Variants in NAALADL2 observed in about 807,000 individuals in gnomAD.
NAALADL2 encodes the protein inactive N-acetylated-alpha-linked acidic dipeptidase-like protein 2.
A neutral mutation model predicts 87.2 loss-of-function variants in NAALADL2; 76 were observed. That is an observed-to-expected ratio of 0.87 (90% CI 0.72 to 1.05). The LOEUF is 1.05. NAALADL2 is among the 50% of genes least tolerant of loss of function. NAALADL2 has a pLI of 0.00. For missense variants in NAALADL2, 1,089 were observed against 945.8 expected, an observed-to-expected ratio of 1.15 and a Z score of -1.99; for synonymous variants, 354 against 331.0, an observed-to-expected ratio of 1.07 and a Z score of -0.75.
At chr3:174,714,451 T>C (rs1391800305) in intron 2 of NAALADL2, among the ~76,000 whole-genome samples, 1 of 152,178 alleles carries the variant, frequency 6.6e-6, no homozygotes, top group Non-Finnish European at 1.5e-5. Context: ...TGTTCTTCCA[T>C]TTGTTTGTAT....
At chr3:174,462,595 A>G (rs1222890919) in intron 1 of NAALADL2, among the ~76,000 whole-genome samples, 1 of 152,166 alleles carries the variant, frequency 6.6e-6, no homozygotes, top group Non-Finnish European at 1.5e-5. Context: ...CCGGATTCAA[A>G]ATTGCCAAGA....
At chr3:175,615,880 A>G (rs1197838062) in intron 10 of NAALADL2, among the ~76,000 whole-genome samples, 1 of 147,830 alleles carries the variant, frequency 6.8e-6, no homozygotes, top group East Asian at 1.9e-4. Flanking sequence ...ATATATGTAT[A>G]ATATATATGT....
chr3:175,540,476 G>A (rs571624871), intron 9 of NAALADL2, among the ~76,000 whole-genome samples: 33 of 152,128 alleles, frequency 2.2e-4, no homozygotes, highest in Non-Finnish European at 4.4e-4. Flanking sequence ...AGAGCCTTTG[G>A]ATTTTATTCC....
chr3:175,294,295 C>A (rs1176733403), intron 4 of NAALADL2, among the ~76,000 whole-genome samples: 1 of 152,100 alleles, frequency 6.6e-6, no homozygotes, highest in Non-Finnish European at 1.5e-5. Context: ...TATTTGCTCT[C>A]AAGCTTGCCT....
intron 2 of NAALADL2, among the ~76,000 whole-genome samples, chr3:175,231,082 T>C (rs1744869639): frequency 6.6e-6 from 1 of 151,926 alleles, no homozygotes; most frequent in Non-Finnish European, 1.5e-5. Flanking sequence ...AAAAGGCAAG[T>C]ATGAAAACCA....
At chr3:175,176,122 GC>G (rs1735662772) in intron 2 of NAALADL2, among the ~76,000 whole-genome samples, 1 of 152,018 alleles carries the variant, frequency 6.6e-6, no homozygotes, top group African/African-American at 2.4e-5. Flanking sequence ...TTTTATATTT[GC>G]ATGGGTAACA....
At chr3:175,352,882 C>T (rs1022555707) in intron 5 of NAALADL2, among the ~76,000 whole-genome samples, 10 of 151,798 alleles carry the variant, frequency 6.6e-5, no homozygotes, top group African/African-American at 2.2e-4. Flanking sequence ...TTTCGTCCAA[C>T]GTGAGCTCTC....
intron 2 of NAALADL2, among the ~76,000 whole-genome samples, chr3:174,613,127 T>G (rs1366148736): frequency 6.6e-6 from 1 of 152,212 alleles, no homozygotes; most frequent in East Asian, 1.9e-4. Flanking sequence ...TTCCATTAGT[T>G]TCTCCCCATC....
At chr3:174,805,526 C>A (rs1290351431) in intron 3 of NAALADL2, among the ~76,000 whole-genome samples, 2 of 152,054 alleles carry the variant, frequency 1.3e-5, no homozygotes, top group Non-Finnish European at 2.9e-5. Context: ...ACTTAAAAAT[C>A]TTTTCTTGTT....
In NAALADL2 at chr3:175,716,325, GAT is replaced by G. The variant is rs1010395807; in HGVS notation, c.1897-20974_1897-20973del. On this transcript the variant is annotated intron_variant, in intron 11 of 13. Transcript: ENST00000454872. The stretch of plus-strand genomic sequence containing the variant: ...AGATATATTACATATATAATATACA[GAT>G]ATATATGTGTATATAATATATATGT... Among the ~76,000 whole-genome samples the G allele has an allele frequency of 1.3e-4, 19 of 143,922 alleles. 1 individual carries two copies. The highest frequency in any genetic ancestry group is 4.1e-4 in the African/African-American group (16 of 39,288). 94.4% of individuals were successfully genotyped at this position (143,922 alleles called of 152,430 possible). A position where few individuals can be genotyped will look rare whatever the true frequency, so the allele number is the denominator to read the frequency against.
intron 9 of NAALADL2, among the ~76,000 whole-genome samples, chr3:175,502,365 G>T (rs536004248): frequency 1.3e-5 from 2 of 152,126 alleles, no homozygotes; most frequent in East Asian, 1.9e-4. Context: ...CAGTTGAAAG[G>T]CTGAAAAGAA....
At chr3:175,625,508 A>G (rs1006455068) in intron 10 of NAALADL2, among the ~76,000 whole-genome samples, 1 of 152,060 alleles carries the variant, frequency 6.6e-6, no homozygotes, top group Admixed American at 6.6e-5. Context: ...TGATGATATC[A>G]TTTAAACTGT....
intron 2 of NAALADL2, among the ~76,000 whole-genome samples, chr3:174,648,063 A>G (rs1723978379): frequency 6.6e-6 from 1 of 152,224 alleles, no homozygotes; most frequent in Non-Finnish European, 1.5e-5. Context: ...TGTTTCAGTT[A>G]CCTATGGTCA....
chr3:174,606,381 G>C (rs1371339750), intron 2 of NAALADL2, among the ~76,000 whole-genome samples: 1 of 152,130 alleles, frequency 6.6e-6, no homozygotes, highest in Admixed American at 6.6e-5. Flanking sequence ...TGAGCTACAG[G>C]AGCAAATTCA....
chr3:174,797,828 A>AT (rs1359377046), intron 3 of NAALADL2, among the ~76,000 whole-genome samples: 1 of 151,766 alleles, frequency 6.6e-6, no homozygotes, highest in African/African-American at 2.4e-5. Flanking sequence ...TTATGTTTTC[A>AT]TTTTTTTCAT....
chr3:174,477,588 A>T (rs960259232), intron 1 of NAALADL2, among the ~76,000 whole-genome samples: 1 of 152,068 alleles, frequency 6.6e-6, no homozygotes, highest in African/African-American at 2.4e-5. Flanking sequence ...GTTCTACAGA[A>T]CTCCCTTGTT....
intron 12 of NAALADL2, among the ~76,000 whole-genome samples, chr3:175,739,262 A>G (rs572417006): frequency 9.8e-4 from 149 of 152,308 alleles, no homozygotes; most frequent in Non-Finnish European, 1.8e-3. Flanking sequence ...TTCAAAATTC[A>G]TATATATGAT....
intron 9 of NAALADL2, among the ~76,000 whole-genome samples, chr3:175,548,004 AG>A (rs1713659485): frequency 6.6e-6 from 1 of 152,084 alleles, no homozygotes; most frequent in Non-Finnish European, 1.5e-5. Context: ...GATTCCTCAA[AG>A]ATCTAAAGAT....
intron 5 of NAALADL2, among the ~76,000 whole-genome samples, chr3:175,327,148 C>CTCTTTTTTTTTTTTTTTTTTTTTT (rs1760811308): frequency 1.0e-5 from 1 of 99,514 alleles, no homozygotes; most frequent in African/African-American, 4.2e-5. Context: ...GTCTACATTT[C>CTCTTTTTTTTTTTTTTTTTTTTTT]TTTTTTTTTT....
Sources: allele counts gnomAD v4.1 joint callset (sites outside exome capture counted in the v4.1 genomes callset), GRCh38; gene constraint gnomAD v4.1.1; transcripts MANE v1.5; gene names NCBI Gene and HGNC (gene_info 2026-07-23, HGNC 2026-07-21).